KIF20B: variants seen among roughly 807,000 people sequenced by gnomAD.
KIF20B encodes kinesin-like protein KIF20B.
A neutral mutation model predicts 232.5 loss-of-function variants in KIF20B; 188 were observed. The ratio of observed to expected loss-of-function variants is 0.81; its 90% CI spans 0.72 to 0.91. The LOEUF (loss-of-function observed/expected upper bound fraction) is 0.91, where lower values mean the gene tolerates loss of function less well. Among genes scored for constraint, KIF20B ranks in the 40% least tolerant of loss-of-function variants. The pLI is 0.00. For missense variants in KIF20B, 2,154 were observed against 2,055.9 expected, an observed-to-expected ratio of 1.05 and a Z score of -0.92; for synonymous variants, 712 against 683.0, an observed-to-expected ratio of 1.04 and a Z score of -0.66.
At position 89,751,443 on chromosome 10, in the gene KIF20B, A is replaced by G; in HGVS notation, c.4194A>G (p.Lys1398=). 1 of 1,607,814 alleles carries G rather than the reference A, an allele frequency of 6.2e-7. No homozygotes were observed. Among genetic ancestry groups the G allele is most frequent in the Non-Finnish European group, 8.5e-7 (1 of 1,177,458 alleles). Residue 1398 remains lysine (K), a synonymous_variant, in exon 24 of 33, where the codon AAA becomes AAG. Coordinates refer to ENST00000371728, the MANE Select transcript of KIF20B (RefSeq NM_001284259.2). ...AACAGGATCAAGTGCTTGAGGCTAA[A>G]TTAGAGGAAGTTGAAAGGCTGGCCA... The part of the protein sequence containing the change: ...QVEQDQVLEA[K]LEEVERLATE...
chr10:89,706,131 T>C (rs1055747937), intron 2 of KIF20B, among the ~76,000 whole-genome samples: 3 of 152,206 alleles, frequency 2.0e-5, no homozygotes, highest in Non-Finnish European at 4.4e-5. Context: ...GTATGTAGGT[T>C]CCAGTGCTTC....
At chr10:89,739,565 T>C (rs1841747469) in intron 21 of KIF20B, among the ~76,000 whole-genome samples, 1 of 127,494 alleles carries the variant, frequency 7.8e-6, no homozygotes, top group Admixed American at 7.7e-5. Flanking sequence ...ATGTTACCAA[T>C]TTCTTTCTTT....
At chr10:89,768,238 GAAAT>G in intron 29 of KIF20B, 48 bp from the exon 30 acceptor site, 1 of 1,172,558 alleles carries the variant, frequency 8.5e-7, no homozygotes, top group South Asian at 1.4e-5. Flanking sequence ...TGAGTCTAGA[GAAAT>G]AAAATATTGT....
chr10:89,760,655 A>C lies in KIF20B; in HGVS notation c.4791+19A>C. 1 of 1,377,224 alleles carries C rather than the reference A, an allele frequency of 7.3e-7. No homozygotes were observed. Among genetic ancestry groups the C allele is most frequent in the Non-Finnish European group, 1.0e-6 (1 of 966,244 alleles). 85.3% of individuals were successfully genotyped at this position (1,377,224 alleles called of 1,614,324 possible). ...AATAGAGGTGGGTATTTGGCAGCAC[A>C]GTCCACTTATTTATTCTCTTTATCC... is the stretch of plus-strand genomic sequence containing the variant. On this transcript the variant is annotated intron_variant, in intron 28 of 32. Coordinates refer to ENST00000371728, the MANE Select transcript of KIF20B (RefSeq NM_001284259.2).
At chr10:89,753,594 A>G (rs895678493) in intron 25 of KIF20B, among the ~76,000 whole-genome samples, 1 of 152,142 alleles carries the variant, frequency 6.6e-6, no homozygotes, top group Non-Finnish European at 1.5e-5. Flanking sequence ...ATGGACTGCC[A>G]TACTTTGTAA....
intron 32 of KIF20B, among the ~76,000 whole-genome samples, chr10:89,773,450 C>T (rs1359967895): frequency 6.6e-6 from 1 of 151,900 alleles, no homozygotes; most frequent in Non-Finnish European, 1.5e-5. Flanking sequence ...GCCACAAGAG[C>T]TTTCAGATAT....
intron 23 of KIF20B, among the ~76,000 whole-genome samples, chr10:89,746,193 C>T (rs1365771876): frequency 6.6e-6 from 1 of 152,208 alleles, no homozygotes; most frequent in Non-Finnish European, 1.5e-5. Flanking sequence ...TTTTTTCAGC[C>T]TAGCCGTCCA....
At chr10:89,754,957 C>A (rs528501639) in intron 26 of KIF20B, among the ~76,000 whole-genome samples, 2 of 152,258 alleles carry the variant, frequency 1.3e-5, no homozygotes, top group South Asian at 4.1e-4. Flanking sequence ...ACAGAGTATT[C>A]CCTATTATAT....
At chr10:89,739,676 T>TTA (rs60749697) in intron 21 of KIF20B, among the ~76,000 whole-genome samples, 1 of 150,576 alleles carries the variant, frequency 6.6e-6, no homozygotes. Flanking sequence ...TTTTTTTTTT[T>TTA]AAACTTTGAG....
intron 23 of KIF20B, 81 bp downstream of exon 23, chr10:89,746,040 C>A: frequency 1.0e-6 from 1 of 999,662 alleles, no homozygotes; most frequent in Non-Finnish European, 1.6e-6. Context: ...GTATGACTTG[C>A]TTCATTGGTG....
intron 27 of KIF20B, among the ~76,000 whole-genome samples, chr10:89,759,491 G>T (rs910615192): frequency 6.6e-6 from 1 of 152,140 alleles, no homozygotes; most frequent in Non-Finnish European, 1.5e-5. Context: ...AAAGCCTTCA[G>T]ACAATAGGAA....
At position 89,715,064 on chromosome 10, in the gene KIF20B, T is replaced by C. The variant is rs772513427; in HGVS notation, c.822T>C (p.Ser274=). The change falls in exon 8 of 33, where the codon TCT becomes TCC. Residue 274 remains serine, a synonymous_variant. Coordinates refer to ENST00000371728, the MANE Select transcript of KIF20B (RefSeq NM_001284259.2). ...ANSIKFSVWV[S]FFEIYNEYIY... is the part of the protein sequence containing the mutation. The stretch of plus-strand genomic sequence containing the variant: ...GTATAAAATTTTCTGTGTGGGTTTC[T>C]TTCTTTGAAATTTACAATGAATATA... The C allele has an allele frequency of 4.4e-6, 7 of 1,606,766 alleles. No individual in the cohort carries two copies. The African/African-American group carries it at 9.4e-5, about 22-fold the overall frequency.
At position 89,709,368 on chromosome 10, in the gene KIF20B, A is replaced by G; in HGVS notation, c.258A>G (p.Ser86=). 6.2e-7 allele frequency: 1 copy of G among 1,613,434 alleles called. No homozygotes were observed. The highest frequency in any genetic ancestry group is 2.2e-5 in the East Asian group (1 of 44,812). The part of the protein sequence containing the change: ...ESEGCVHILD[S]QTVVLKEPQC... The stretch of plus-strand genomic sequence containing the variant: ...AGGGCTGTGTGCATATTCTGGATTC[A>G]CAGACTGTTGTGCTGAAAGAGCCTC... Residue 86 remains serine (S), a synonymous_variant, in exon 4 of 33, where the codon TCA becomes TCG. Transcript: ENST00000371728.
In KIF20B at chr10:89,711,014, A is replaced by T; in HGVS notation, c.544A>T (p.Ser182Cys). 1 of 1,609,194 alleles carries T rather than the reference A, an allele frequency of 6.2e-7. No individual in the cohort carries two copies. Residue 182 changes from serine to cysteine, a missense_variant, in exon 6 of 33, where the codon AGT becomes TGT. Transcript: ENST00000371728. ...LPRTLNVLFDSLQERLYTKMN... is the reference protein window; with the variant it reads ...LPRTLNVLFDCLQERLYTKMN... ...TCGAACTTTGAATGTATTATTTGAT[A>T]GTCTTCAAGAAAGACTGTATACAAA...
chr10:89,743,870 G>C lies in KIF20B; in HGVS notation c.3978G>C (p.Lys1326Asn), dbSNP rs1346809088. 6.3e-7 allele frequency: 1 copy of C among 1,587,794 alleles called. No homozygotes were observed. The highest frequency in any genetic ancestry group is 2.3e-5 in the East Asian group (1 of 43,410). ...LRIKINELEK[K>N]KNQCSQELDM... ...TTAAAATTAATGAACTGGAGAAAAA[G>C]AAAAACCAGTGTTCTCAGGAATTAG... The change falls in exon 22 of 33, where the codon AAG becomes AAC. Residue 1326 changes from lysine (K) to asparagine (N), a missense_variant. Coordinates refer to ENST00000371728, the MANE Select transcript of KIF20B (RefSeq NM_001284259.2).
Position 89,711,033 on chromosome 10 carries a change from A to T in KIF20B, c.563A>T (p.Tyr188Phe). The T allele has an allele frequency of 6.2e-7, 1 of 1,609,734 alleles. No individual in the cohort carries two copies. The highest frequency in any genetic ancestry group is 1.1e-5 in the South Asian group (1 of 90,550). Residue 188 changes from tyrosine (Y) to phenylalanine (F), a missense_variant, in exon 6 of 33, where the codon TAT becomes TTT. By Grantham distance (22) the Tyr-to-Phe change is conservative. Coordinates refer to ENST00000371728, the MANE Select transcript of KIF20B (RefSeq NM_001284259.2). ...VLFDSLQERL[Y>F]TKMNLKPHRS... The stretch of plus-strand genomic sequence containing the variant: ...TTTGATAGTCTTCAAGAAAGACTGT[A>T]TACAAAGATGAACCTTAAACCACAT...
chr10:89,767,296 A>C (rs1418919139), intron 29 of KIF20B, among the ~76,000 whole-genome samples: 1 of 151,094 alleles, frequency 6.6e-6, no homozygotes, highest in Admixed American at 6.6e-5. Flanking sequence ...TCTGTCACCT[A>C]CATTAGGTAT....
chr10:89,720,467 A>T (rs1479097570), intron 13 of KIF20B, among the ~76,000 whole-genome samples: 1 of 152,128 alleles, frequency 6.6e-6, no homozygotes, highest in African/African-American at 2.4e-5. Context: ...GTATTGCAAA[A>T]CCATATTATC....
At chr10:89,763,822 CT>C (rs953682574) in intron 29 of KIF20B, among the ~76,000 whole-genome samples, 54 of 147,568 alleles carry the variant, frequency 3.7e-4, no homozygotes, top group Non-Finnish European at 7.0e-4. Flanking sequence ...ATTAATATAA[CT>C]ATTATTACTA....
Sources: allele counts gnomAD v4.1 joint callset (sites outside exome capture counted in the v4.1 genomes callset), GRCh38; gene constraint gnomAD v4.1.1; transcripts MANE v1.5; gene names NCBI Gene and HGNC (gene_info 2026-07-23, HGNC 2026-07-21).